Variants in CCDC126 observed in about 807,000 individuals in gnomAD.
CCDC126 encodes coiled-coil domain containing 126, also known as coiled-coil domain-containing protein 126.
In CCDC126, 5 loss-of-function variants were observed where a neutral mutation model predicts 11.7. The observed-to-expected ratio is 0.43, with a 90% CI of 0.22 to 0.90. The LOEUF (loss-of-function observed/expected upper bound fraction) is 0.90, where lower values mean the gene tolerates loss of function less well. Among genes scored for constraint, CCDC126 ranks in the 40% least tolerant of loss-of-function variants. CCDC126 has a pLI of 0.27. For missense variants in CCDC126, 150 were observed against 163.1 expected (o/e 0.92, Z 0.44); for synonymous variants, 60 against 61.9 (o/e 0.97, Z 0.14).
At chr7:23,638,191 G>C (rs1232479383) in intron 3 of CCDC126, among the ~76,000 whole-genome samples, 1 of 151,950 alleles carries the variant, frequency 6.6e-6, no homozygotes, top group East Asian at 2.0e-4. Context: ...CCCTCTGCCC[G>C]GCCACGACCC....
At chr7:23,621,953 C>G (rs557128216) in intron 3 of CCDC126, among the ~76,000 whole-genome samples, 2 of 152,264 alleles carry the variant, frequency 1.3e-5, no homozygotes, top group East Asian at 3.9e-4. Flanking sequence ...GGTGGATAAG[C>G]TTTTTGGTGT....
chr7:23,635,613 T>G (rs1483589061), intron 3 of CCDC126, among the ~76,000 whole-genome samples: 1 of 152,206 alleles, frequency 6.6e-6, no homozygotes, highest in Non-Finnish European at 1.5e-5. Context: ...AATCTCTTAG[T>G]CTCTTTTTTT....
At chr7:23,605,398 C>CG (rs1782605602) in intron 2 of CCDC126, among the ~76,000 whole-genome samples, 1 of 100,662 alleles carries the variant, frequency 9.9e-6, no homozygotes, top group Non-Finnish European at 2.0e-5. Context: ...ATGTGATATG[C>CG]TTGTGTGTGT....
chr7:23,641,356 T>C (rs1309402842), intron 3 of CCDC126, among the ~76,000 whole-genome samples: 1 of 152,238 alleles, frequency 6.6e-6, no homozygotes, highest in Non-Finnish European at 1.5e-5. Flanking sequence ...AATTGATTTA[T>C]CTTTTTGTTC....
intron 3 of CCDC126, among the ~76,000 whole-genome samples, chr7:23,627,365 G>T (rs1469023212): frequency 6.6e-6 from 1 of 151,774 alleles, no homozygotes. Flanking sequence ...AAAAAGGCCA[G>T]TTGCGGTGGC....
At chr7:23,640,605 A>G (rs2128023176) in intron 3 of CCDC126, among the ~76,000 whole-genome samples, 1 of 152,298 alleles carries the variant, frequency 6.6e-6, no homozygotes, top group East Asian at 1.9e-4. Context: ...ACCACTCCAA[A>G]CAAGAAATCT....
chr7:23,611,591 C>A, intron 3 of CCDC126, 38 bp downstream of exon 3: 1 of 1,429,656 alleles, frequency 7.0e-7, no homozygotes, highest in Non-Finnish European at 9.8e-7. Flanking sequence ...TTCCTCCAAT[C>A]CCTGTTTAAA....
intron 3 of CCDC126, among the ~76,000 whole-genome samples, chr7:23,626,084 T>C (rs1322374261): frequency 2.4e-5 from 3 of 126,118 alleles, no homozygotes; most frequent in Non-Finnish European, 5.7e-5. Context: ...TTTTTTATGA[T>C]TTAGTTTTGT....
At chr7:23,604,915 G>A (rs1414495528) in intron 2 of CCDC126, among the ~76,000 whole-genome samples, 1 of 151,366 alleles carries the variant, frequency 6.6e-6, no homozygotes, top group Non-Finnish European at 1.5e-5. Flanking sequence ...GGAGAATGGT[G>A]TGAACCCAGG....
intron 3 of CCDC126, among the ~76,000 whole-genome samples, chr7:23,637,722 C>T (rs1445258864): frequency 2.3e-4 from 7 of 30,086 alleles, no homozygotes; most frequent in East Asian, 1.0e-3. Flanking sequence ...GTCAGCCCCC[C>T]GCCCGGCCAG....
Position 23,611,493 on chromosome 7 carries a change from C to G in CCDC126, c.178C>G (p.Leu60Val), listed in dbSNP as rs750900003. 17 of 1,613,876 alleles carry G rather than the reference C, an allele frequency of 1.1e-5. No homozygotes were observed. Among genetic ancestry groups the G allele is most frequent in the Non-Finnish European group, 8.5e-6 (10 of 1,179,954 alleles). ...CTTAAGCAAAAGATATGTTAAAGCTCTAGCAGAGGAAAATAAGAACACAGT... is the reference window on the plus strand; with the variant it reads ...CTTAAGCAAAAGATATGTTAAAGCTGTAGCAGAGGAAAATAAGAACACAGT... ...LDLSKRYVKA[L>V]AEENKNTVDV... Residue 60 changes from leucine to valine, a missense_variant, in exon 3 of 4, where the codon CTA becomes GTA. By Grantham distance (32) the Leu-to-Val change is conservative (BLOSUM62 1). Coordinates refer to ENST00000307471, the MANE Select transcript of CCDC126 (RefSeq NM_138771.4).
At chr7:23,641,392 T>G (rs1180088214) in intron 3 of CCDC126, among the ~76,000 whole-genome samples, 1 of 152,236 alleles carries the variant, frequency 6.6e-6, no homozygotes, top group African/African-American at 2.4e-5. Flanking sequence ...TCTTTATATA[T>G]TCTAGGTAGT....
At chr7:23,629,999 C>G (rs1003397880) in intron 3 of CCDC126, among the ~76,000 whole-genome samples, 1 of 152,022 alleles carries the variant, frequency 6.6e-6, no homozygotes, top group African/African-American at 2.4e-5. Context: ...CGGGATAAAC[C>G]CATGCTAAGA....
chr7:23,612,495 A>C (rs1464741526), intron 3 of CCDC126, among the ~76,000 whole-genome samples: 2 of 149,758 alleles, frequency 1.3e-5, no homozygotes, highest in African/African-American at 4.9e-5. Context: ...AAAAAAAAAA[A>C]AAAAAACAAA....
At chr7:23,607,369 A>C (rs930209161) in intron 2 of CCDC126, among the ~76,000 whole-genome samples, 14 of 152,222 alleles carry the variant, frequency 9.2e-5, no homozygotes, top group African/African-American at 3.4e-4. Flanking sequence ...GGGCTGGATC[A>C]GTACTTGAAA....
rs945533675 is a variant in CCDC126 at position 23,597,428 on chromosome 7, C to T, written c.-408C>T. The T allele has an allele frequency of 1.4e-4, 21 of 152,398 alleles. No individual in the cohort carries two copies. Among genetic ancestry groups the T allele is most frequent in the Admixed American group, 3.9e-4 (6 of 15,294 alleles). The allele number at this position is 152,398 out of a possible 1,614,324, so 9.4% of individuals were successfully genotyped here. A position where few individuals can be genotyped will look rare whatever the true frequency, so the allele number is the denominator to read the frequency against. ...GCGAGGGACGAGCGGAGTAAAATCT[C>T]CACAAGCTGGGAACAAACCTCGTCC... On this transcript the variant is annotated 5_prime_UTR_variant, in exon 1 of 4. Coordinates refer to ENST00000307471, the MANE Select transcript of CCDC126 (RefSeq NM_138771.4).
chr7:23,633,291 C>G (rs966585398), intron 3 of CCDC126, among the ~76,000 whole-genome samples: 1 of 152,074 alleles, frequency 6.6e-6, no homozygotes, highest in Non-Finnish European at 1.5e-5. Flanking sequence ...TGTGCCCGGC[C>G]CTGCCTTGCA....
At chr7:23,614,196 C>A (rs574592290) in intron 3 of CCDC126, among the ~76,000 whole-genome samples, 65 of 152,350 alleles carry the variant, frequency 4.3e-4, no homozygotes, top group African/African-American at 1.5e-3. Flanking sequence ...AGTCAGTCCA[C>A]ACAAATCCTA....
At chr7:23,618,785 C>A (rs1237832783) in intron 3 of CCDC126, among the ~76,000 whole-genome samples, 1 of 151,884 alleles carries the variant, frequency 6.6e-6, no homozygotes, top group Non-Finnish European at 1.5e-5. Flanking sequence ...GAACTCCTGA[C>A]CTCATGTGAT....
Sources: gnomAD v4.1 joint callset for allele counts (sites outside exome capture counted in the v4.1 genomes callset) on GRCh38, gnomAD v4.1.1 for gene constraint, MANE v1.5 for transcripts, NCBI Gene and HGNC (gene_info 2026-07-23, HGNC 2026-07-21) for gene names.